The following NUP98 variants were observed in gnomAD, a reference collection of about 807,000 sequenced individuals.
The protein encoded by NUP98 is nuclear pore complex protein Nup98-Nup96.
Under a neutral mutation model 191.9 loss-of-function variants are expected in NUP98, and 26 were observed. The observed-to-expected ratio is 0.14, with a 90% confidence interval of 0.10 to 0.19. The LOEUF is 0.19. Ranked by LOEUF, NUP98 falls within the 10% of genes least tolerant of loss-of-function variation. The probability of loss-of-function intolerance (pLI) is 1.00; values close to 1 mark genes in which losing one functional copy is unlikely to be tolerated. For synonymous variants in NUP98, 808 were observed against 778.4 expected, an observed-to-expected ratio of 1.04 and a Z score of -0.63; for missense variants, 1,941 against 2,178.8, an observed-to-expected ratio of 0.89 and a Z score of 2.17.
intron 10 of NUP98, among the ~76,000 whole-genome samples, chr11:3,757,492 C>CAAACA (rs1015230108): frequency 1.4e-4 from 21 of 150,724 alleles, no homozygotes; most frequent in South Asian, 2.1e-4. Context: ...CCCCAAAAAA[C>CAAACA]AAACAAAACA....
intron 22 of NUP98, among the ~76,000 whole-genome samples, chr11:3,703,723 T>C (rs2078778396): frequency 6.6e-6 from 1 of 152,088 alleles, no homozygotes. Flanking sequence ...AAAACTCAAA[T>C]TCCTACTCTA....
At chr11:3,760,434 G>A (rs553597534) in intron 10 of NUP98, 105 bp downstream of exon 10, 18 of 1,485,804 alleles carry the variant, frequency 1.2e-5, no homozygotes, top group African/African-American at 5.6e-5. Context: ...GGAGAATAAC[G>A]TGTGGTATAG....
In NUP98 at chr11:3,676,945, C is replaced by T. The variant is rs572421002; in HGVS notation, c.5074-325G>A. 3.3e-5 allele frequency among the ~76,000 whole-genome samples: 5 copies of T among 152,264 alleles called. No individual in the cohort carries two copies. The South Asian group carries it at 1.0e-3, about 32-fold the overall frequency. On this transcript the variant is annotated intron_variant, in intron 31 of 32. Coordinates refer to ENST00000324932, the MANE Select transcript of NUP98 (RefSeq NM_016320.5). The stretch of plus-strand genomic sequence containing the variant: ...GAGATGGTATGACTTCTAAAGAGCA[C>T]ACAAGGAAGTAAAAAATGCAGCCAG...
rs1179840586 is a variant in NUP98 at position 3,773,635 on chromosome 11, T to C, written c.600A>G (p.Leu200=). 4 of 1,577,868 alleles carry C rather than the reference T, an allele frequency of 2.5e-6. No homozygotes were observed. In the African/African-American group the frequency reaches 5.4e-5, roughly 21 times the overall value. Residue 200 remains leucine (L), a synonymous_variant, in exon 6 of 33, where the codon CTA becomes CTG. Coordinates refer to ENST00000324932, the MANE Select transcript of NUP98 (RefSeq NM_016320.5). ...TTCTGTATTGTATTTTACTGACCTCTAGTGACTTGCTTTCATATTCTTTCA... is the reference window on the plus strand; with the variant it reads ...TTCTGTATTGTATTTTACTGACCTCCAGTGACTTGCTTTCATATTCTTTCA... ...TAMKEYESKS[L]EELRLEDYQA... is the part of the protein sequence containing the mutation.
At chr11:3,736,864 T>C (rs2080081776) in intron 12 of NUP98, among the ~76,000 whole-genome samples, 1 of 152,190 alleles carries the variant, frequency 6.6e-6, no homozygotes, top group Non-Finnish European at 1.5e-5. Flanking sequence ...TAGGCTATCC[T>C]TATAAGTTTA....
chr11:3,759,833 T>C (rs1264417702), intron 10 of NUP98, among the ~76,000 whole-genome samples: 2 of 151,880 alleles, frequency 1.3e-5, no homozygotes, highest in African/African-American at 4.8e-5. Flanking sequence ...TTCTATTATT[T>C]TTCTTATTTT....
At chr11:3,744,037 C>A (rs1048551122) in intron 12 of NUP98, among the ~76,000 whole-genome samples, 3 of 152,092 alleles carry the variant, frequency 2.0e-5, no homozygotes, top group African/African-American at 4.8e-5. Flanking sequence ...CCAGCTTGGG[C>A]AACAGCGCGA....
At chr11:3,677,004 G>A (rs2077835796) in intron 31 of NUP98, among the ~76,000 whole-genome samples, 1 of 152,194 alleles carries the variant, frequency 6.6e-6, no homozygotes, top group South Asian at 2.1e-4. Flanking sequence ...CTGACTCCAA[G>A]TTTATAGCCT....
chr11:3,687,813 G>A (rs1476052094), intron 28 of NUP98, among the ~76,000 whole-genome samples: 3 of 152,082 alleles, frequency 2.0e-5, no homozygotes, highest in Admixed American at 1.3e-4. Flanking sequence ...TGTAATCCCA[G>A]CACTTTGGGA....
intron 1 of NUP98, among the ~76,000 whole-genome samples, chr11:3,786,665 C>T (rs1354148315): frequency 2.0e-5 from 3 of 152,136 alleles, no homozygotes; most frequent in Non-Finnish European, 2.9e-5. Flanking sequence ...TGACACTGTC[C>T]AAACTGAAGT....
chr11:3,697,820 T>TAAA (rs199874258), intron 25 of NUP98, among the ~76,000 whole-genome samples: 16,994 of 96,596 alleles, frequency 0.18, 1,507 homozygotes, highest in East Asian at 0.21. Context: ...GACTCTGTCT[T>TAAA]AAAAAAAAAA....
chr11:3,789,984 C>T (rs1457281155), intron 1 of NUP98, among the ~76,000 whole-genome samples: 1 of 152,046 alleles, frequency 6.6e-6, no homozygotes, highest in Non-Finnish European at 1.5e-5. Flanking sequence ...GGGGTTTCAC[C>T]AAGTTGGCCA....
At chr11:3,718,343 C>T (rs749672632) in intron 18 of NUP98, among the ~76,000 whole-genome samples, 30 of 152,096 alleles carry the variant, frequency 2.0e-4, no homozygotes, top group African/African-American at 1.4e-4. Flanking sequence ...CAAGACCAGC[C>T]TGGTCAACAT....
At chr11:3,707,307 A>C (rs2078889295) in intron 20 of NUP98, among the ~76,000 whole-genome samples, 1 of 152,190 alleles carries the variant, frequency 6.6e-6, no homozygotes, top group Non-Finnish European at 1.5e-5. Context: ...TTTTAAAGAC[A>C]ACTATGACTA....
intron 1 of NUP98, among the ~76,000 whole-genome samples, chr11:3,792,503 C>CAG (rs1344957227): frequency 1.3e-5 from 2 of 151,884 alleles, no homozygotes; most frequent in African/African-American, 4.8e-5. Flanking sequence ...CCCAGCTACT[C>CAG]AGGAGGCTGA....
chr11:3,750,669 C>G (rs941167514), intron 11 of NUP98, among the ~76,000 whole-genome samples: 1 of 151,714 alleles, frequency 6.6e-6, no homozygotes, highest in South Asian at 2.1e-4. Flanking sequence ...ATTCTGTTAC[C>G]CAGGCTGGAG....
chr11:3,705,220 G>A lies in NUP98; in HGVS notation c.3062C>T (p.Ser1021Leu), dbSNP rs148016765. 57 of 1,614,014 alleles carry A rather than the reference G, an allele frequency of 3.5e-5. No individual in the cohort carries two copies. Among genetic ancestry groups the A allele is most frequent in the African/African-American group, 5.3e-5 (4 of 74,916 alleles). ...SPRLPISASHSSKTRSLVGGL... is the reference protein window; with the variant it reads ...SPRLPISASHLSKTRSLVGGL... Reference sequence around the variant, plus strand: ...TGTACCTAGTGAACGAGTTTTCGACGAGTGGGATGCTGAAATGGGGAGTCT... The same window carrying A: ...TGTACCTAGTGAACGAGTTTTCGACAAGTGGGATGCTGAAATGGGGAGTCT... Residue 1021 changes from serine (S) to leucine (L), a missense_variant, in exon 22 of 33, where the codon TCG becomes TTG. By Grantham distance (145) the Ser-to-Leu change is moderately radical (BLOSUM62 -2). Transcript: ENST00000324932.
At position 3,723,360 on chromosome 11, in the gene NUP98, T is replaced by C; in HGVS notation, c.1943A>G (p.Lys648Arg). 6.2e-7 allele frequency: 1 copy of C among 1,614,116 alleles called. No homozygotes were observed. The highest frequency in any genetic ancestry group is 1.1e-5 in the South Asian group (1 of 91,080). ...ACTTTCTGGGGTTTGAGGAATAGGT[T>C]TGGCAATAGGGTTAGTATAAAAATG... ...VSHFYTNPIA[K>R]PIPQTPESAG... The change falls in exon 16 of 33, where the codon AAA becomes AGA. Residue 648 changes from lysine to arginine, a missense_variant. By Grantham distance (26) the Lys-to-Arg change is conservative. Around this residue, in one of 6 missense-constraint regions of NUP98, gnomAD observed 453 missense variants for 438.2 expected, o/e 1.03. Transcript: ENST00000324932.
chr11:3,768,875 T>C (rs1371224140), intron 7 of NUP98, 131 bp from the exon 8 acceptor site: 4 of 596,668 alleles, frequency 6.7e-6, no homozygotes, highest in Non-Finnish European at 1.0e-5. Context: ...CATTCACTAC[T>C]TGATCATCTT....
Sources: gnomAD v4.1 joint callset for allele counts (sites outside exome capture counted in the v4.1 genomes callset) on GRCh38, gnomAD v4.1.1 for gene constraint, gnomAD v4.1.1 regional missense constraint, MANE v1.5 for transcripts, NCBI Gene and HGNC (gene_info 2026-07-23, HGNC 2026-07-21) for gene names.